PARD3B: variants seen among roughly 807,000 people sequenced by gnomAD.
PARD3B encodes the protein partitioning defective 3 homolog B.
A neutral mutation model predicts 130.2 loss-of-function variants in PARD3B; 103 were observed. The observed-to-expected ratio is 0.79, with a 90% CI of 0.67 to 0.93. The LOEUF (loss-of-function observed/expected upper bound fraction) is 0.93. Ranked by LOEUF, PARD3B falls within the 40% of genes least tolerant of loss-of-function variation. The pLI is 0.00. For missense variants in PARD3B, 1,609 were observed against 1,499.2 expected (o/e 1.07, Z -1.21); for synonymous variants, 583 against 553.2 (o/e 1.05, Z -0.76).
intron 21 of PARD3B, among the ~76,000 whole-genome samples, chr2:205,529,139 A>G (rs561538503): frequency 2.6e-5 from 4 of 152,230 alleles, no homozygotes; most frequent in African/African-American, 7.2e-5. Context: ...ATAACTGTTT[A>G]TCAGAACTTC....
chr2:205,126,305 T>C (rs2031389841), intron 10 of PARD3B, among the ~76,000 whole-genome samples: 1 of 152,178 alleles, frequency 6.6e-6, no homozygotes, highest in Admixed American at 6.5e-5. Flanking sequence ...TAATCTGTCC[T>C]AAACTGATGA....
rs113524638 is a variant in PARD3B at position 204,598,404 on chromosome 2, T to A, written c.120+52285T>A. On this transcript the variant is annotated intron_variant, in intron 1 of 22. Coordinates refer to ENST00000406610, the MANE Select transcript of PARD3B (RefSeq NM_001302769.2). ...CCTTTAGAACTCAAGACTACAGGGG[T>A]AGTTTATCTGGGTTCAAGTCCCAGC... Among the ~76,000 whole-genome samples, 1,317 of 152,190 alleles carry A rather than the reference T, an allele frequency of 8.7e-3. 14 individuals are homozygous for A. The highest frequency in any genetic ancestry group is 0.031 in the African/African-American group (1,280 of 41,532).
chr2:205,613,972 T>G (rs1301113064), intron 22 of PARD3B, among the ~76,000 whole-genome samples: 1 of 152,230 alleles, frequency 6.6e-6, no homozygotes, highest in African/African-American at 2.4e-5. Context: ...GCAGTGTGTC[T>G]GACATTGGGG....
chr2:204,734,352 AG>A, intron 2 of PARD3B, among the ~76,000 whole-genome samples: 1 of 152,338 alleles, frequency 6.6e-6, no homozygotes, highest in East Asian at 1.9e-4. Context: ...ATTTTGAAAA[AG>A]TTTGACATTT....
At chr2:204,607,450 A>G (rs2033766231) in intron 1 of PARD3B, among the ~76,000 whole-genome samples, 1 of 152,172 alleles carries the variant, frequency 6.6e-6, no homozygotes, top group Non-Finnish European at 1.5e-5. Flanking sequence ...TTCGATCATA[A>G]TTCACTGAAT....
rs1422222123 is a variant in PARD3B at position 204,545,916 on chromosome 2, C to T, written c.-84C>T. ...CCCCGGGTCTCTGGGCCCACCCGCCCCGGGCGTCCTCCGAGAGTGGGGGCT... is the reference window on the plus strand; with the variant it reads ...CCCCGGGTCTCTGGGCCCACCCGCCTCGGGCGTCCTCCGAGAGTGGGGGCT... On this transcript the variant is annotated 5_prime_UTR_variant, in exon 1 of 23. Transcript: ENST00000406610. 1 of 1,408,768 alleles carries T rather than the reference C, an allele frequency of 7.1e-7. No homozygotes were observed. The highest frequency in any genetic ancestry group is 9.3e-7 in the Non-Finnish European group (1 of 1,080,482). 87.3% of individuals were successfully genotyped at this position (1,408,768 alleles called of 1,614,324 possible). A position where few individuals can be genotyped will look rare whatever the true frequency, so the allele number is the denominator to read the frequency against.
chr2:205,453,880 A>G (rs1366141779), intron 20 of PARD3B, among the ~76,000 whole-genome samples: 2 of 152,188 alleles, frequency 1.3e-5, no homozygotes, highest in African/African-American at 4.8e-5. Context: ...ACATGATGCA[A>G]AATGCATTTC....
intron 4 of PARD3B, among the ~76,000 whole-genome samples, chr2:205,048,904 G>T (rs542392887): frequency 6.6e-6 from 1 of 152,236 alleles, no homozygotes; most frequent in East Asian, 1.9e-4. Flanking sequence ...TAAAAATCAG[G>T]TGTATGTGTT....
intron 18 of PARD3B, among the ~76,000 whole-genome samples, chr2:205,312,289 G>A (rs566153892): frequency 1.3e-5 from 2 of 152,276 alleles, no homozygotes; most frequent in Admixed American, 1.3e-4. Context: ...AAGGCAAAAG[G>A]CCAACAACAG....
rs978241847 is a variant in PARD3B, at chr2:205,292,452, T to C, written c.2186-8078T>C. Reference sequence around the variant, plus strand: ...ATAAGCCACCCAGTCTATGGTATTTTTGTTATAGCAGACCACATTAACTCA... The same window carrying C: ...ATAAGCCACCCAGTCTATGGTATTTCTGTTATAGCAGACCACATTAACTCA... On this transcript the variant is annotated intron_variant, in intron 16 of 22. Transcript: ENST00000406610. The surrounding 1 kb of genome is among the most constrained non-coding windows in gnomAD (Gnocchi z 5.3). Among the ~76,000 whole-genome samples the C allele has an allele frequency of 5.9e-5, 9 of 152,256 alleles. No individual in the cohort carries two copies. Among genetic ancestry groups the C allele is most frequent in the African/African-American group, 2.2e-4 (9 of 41,562 alleles).
chr2:205,465,980 C>T (rs2048607540), intron 20 of PARD3B, among the ~76,000 whole-genome samples: 1 of 152,174 alleles, frequency 6.6e-6, no homozygotes, highest in Admixed American at 6.5e-5. Flanking sequence ...AGAAAGGGAG[C>T]AGCTGTGACA....
rs560237745 is a variant in PARD3B at position 205,071,376 on chromosome 2, A to G, written c.504+23686A>G. ...GTCCTAGAAACCAAACTCCGGTCCT[A>G]GGTGTGCATCTTGTTCCTGAGAACA... is the stretch of plus-strand genomic sequence containing the variant. On this transcript the variant is annotated intron_variant, in intron 4 of 22. Transcript: ENST00000406610. Among the ~76,000 whole-genome samples the G allele has an allele frequency of 3.3e-5, 5 of 152,312 alleles. No individual in the cohort carries two copies. In the South Asian group the frequency reaches 8.3e-4, roughly 25 times the overall value.
intron 18 of PARD3B, among the ~76,000 whole-genome samples, chr2:205,389,457 G>A (rs1287542239): frequency 6.6e-6 from 1 of 152,156 alleles, no homozygotes; most frequent in Non-Finnish European, 1.5e-5. Context: ...CCGCCTCCCA[G>A]GTTCAAGGGA....
At chr2:205,019,119 A>G (rs1696395517) in intron 3 of PARD3B, among the ~76,000 whole-genome samples, 1 of 152,166 alleles carries the variant, frequency 6.6e-6, no homozygotes, top group Admixed American at 6.6e-5. Context: ...TGTACTTCTT[A>G]GCAATACTCC....
At chr2:204,861,234 G>A (rs2045187585) in intron 2 of PARD3B, among the ~76,000 whole-genome samples, 1 of 131,632 alleles carries the variant, frequency 7.6e-6, no homozygotes, top group South Asian at 2.6e-4. Context: ...ATTTGATATT[G>A]TGTTTCCAGA....
At chr2:204,856,662 G>GT (rs1159831671) in intron 2 of PARD3B, among the ~76,000 whole-genome samples, 1 of 151,996 alleles carries the variant, frequency 6.6e-6, no homozygotes, top group Non-Finnish European at 1.5e-5. Context: ...TCTACTTATA[G>GT]TTTCAAGTTT....
chr2:204,618,188 A>G (rs1000445319), intron 1 of PARD3B, among the ~76,000 whole-genome samples: 3 of 152,184 alleles, frequency 2.0e-5, no homozygotes, highest in African/African-American at 7.2e-5. Context: ...TTACTGGGCC[A>G]TGTTTATGTC....
Position 205,244,450 on chromosome 2 carries a change from T to C in PARD3B, c.2141-1328T>C, listed in dbSNP as rs1249307095. Among the ~76,000 whole-genome samples, 1 of 152,240 alleles carries C rather than the reference T, an allele frequency of 6.6e-6. No individual in the cohort carries two copies. The highest frequency in any genetic ancestry group is 2.4e-5 in the African/African-American group (1 of 41,464). ...AAGGATTAAGAACTTTGCATCTGTG[T>C]TCATGAAGGATGTGGGTTAGCAGTT... On this transcript the variant is annotated intron_variant, in intron 15 of 22. Transcript: ENST00000406610. The surrounding 1 kb of genome is among the most constrained non-coding windows in gnomAD (Gnocchi z 4.7).
rs10564722 is a variant in PARD3B at position 205,473,735 on chromosome 2, A to AATATAT, written c.3045-26145_3045-26140dup. On this transcript the variant is annotated intron_variant, in intron 20 of 22. Coordinates refer to ENST00000406610, the MANE Select transcript of PARD3B (RefSeq NM_001302769.2). This position sits in a 1 kb window ranked among gnomAD's most constrained non-coding sequence, Gnocchi z 4.9. Reference sequence around the variant, plus strand: ...ACACACACACGTATATAAAACCCTAAATATATATATATATATATATAACCT... The same window carrying AATATAT: ...ACACACACACGTATATAAAACCCTAAATATATATATATATATATATATATATAACCT... Among the ~76,000 whole-genome samples the AATATAT allele has an allele frequency of 2.1e-4, 26 of 125,736 alleles. No individual in the cohort carries two copies. Among genetic ancestry groups the AATATAT allele is most frequent in the African/African-American group, 6.3e-4 (23 of 36,252 alleles). The allele number at this position is 125,736 out of a possible 152,430, so 82.5% of individuals were successfully genotyped here.
Sources: gnomAD v4.1 joint callset for allele counts (sites outside exome capture counted in the v4.1 genomes callset) on GRCh38, gnomAD v4.1.1 for gene constraint, Gnocchi (gnomAD v3.1) non-coding constraint, MANE v1.5 for transcripts, NCBI Gene and HGNC (gene_info 2026-07-23, HGNC 2026-07-21) for gene names.